The following EML5 variants were observed in gnomAD, a reference collection of about 807,000 sequenced individuals.
EML5 encodes the protein echinoderm microtubule-associated protein-like 5.
Under a neutral mutation model 250.0 loss-of-function variants are expected in EML5, and 120 were observed. That is an observed-to-expected ratio of 0.48 (90% CI 0.41 to 0.56). The LOEUF (loss-of-function observed/expected upper bound fraction) is 0.56, where lower values mean the gene tolerates loss of function less well. Among genes scored for constraint, EML5 ranks in the 20% least tolerant of loss-of-function variants. The probability of loss-of-function intolerance (pLI) is 0.00; values close to 1 mark genes in which losing one functional copy is unlikely to be tolerated. For missense variants in EML5, 2,006 were observed against 2,437.6 expected (o/e 0.82, Z 3.73); for synonymous variants, 771 against 806.5 (o/e 0.96, Z 0.75).
chr14:88,783,107 G>C (rs1566798796), intron 1 of EML5, among the ~76,000 whole-genome samples: 1 of 152,094 alleles, frequency 6.6e-6, no homozygotes, highest in Admixed American at 6.5e-5. Context: ...AAAGAAGAAA[G>C]AAAGAAAAGA....
chr14:88,780,801 T>G (rs186496349), intron 1 of EML5, among the ~76,000 whole-genome samples: 1 of 152,138 alleles, frequency 6.6e-6, no homozygotes, highest in Admixed American at 6.5e-5. Context: ...TCTCGATCTC[T>G]TGACCTCGTG....
chr14:88,777,415 C>T (rs2094456992), intron 1 of EML5, among the ~76,000 whole-genome samples: 1 of 152,110 alleles, frequency 6.6e-6, no homozygotes, highest in Non-Finnish European at 1.5e-5. Context: ...CAGACCTGTC[C>T]TACAAGAAAT....
At chr14:88,668,398 G>A (rs539132520) in intron 21 of EML5, among the ~76,000 whole-genome samples, 22 of 152,020 alleles carry the variant, frequency 1.4e-4, no homozygotes, top group Middle Eastern at 3.4e-3. Context: ...AAACAGACAC[G>A]CACGGGTTCC....
At chr14:88,722,370 C>T (rs1216026719) in intron 8 of EML5, among the ~76,000 whole-genome samples, 3 of 152,084 alleles carry the variant, frequency 2.0e-5, no homozygotes, top group African/African-American at 7.2e-5. Flanking sequence ...CACCCAAATG[C>T]CCATCAATGA....
At chr14:88,670,645 C>T (rs1471378441) in intron 21 of EML5, among the ~76,000 whole-genome samples, 4 of 152,026 alleles carry the variant, frequency 2.6e-5, no homozygotes, top group Non-Finnish European at 5.9e-5. Context: ...AAGTTCTAAC[C>T]CAATGCAAAG....
chr14:88,742,117 G>T (rs563283971), intron 4 of EML5, among the ~76,000 whole-genome samples: 5 of 152,126 alleles, frequency 3.3e-5, no homozygotes, highest in Non-Finnish European at 5.9e-5. Flanking sequence ...TCCCAATTGA[G>T]ATGAACTGAG....
intron 25 of EML5, among the ~76,000 whole-genome samples, chr14:88,659,266 C>T (rs1311568838): frequency 6.6e-6 from 1 of 151,552 alleles, no homozygotes. Context: ...TACTGGAATG[C>T]AGTGGCACGA....
chr14:88,748,784 A>G (rs1325745027), intron 2 of EML5, among the ~76,000 whole-genome samples: 3 of 152,124 alleles, frequency 2.0e-5, no homozygotes, highest in African/African-American at 4.8e-5. Context: ...TACATTATCT[A>G]AAATGAAAAT....
intron 32 of EML5, among the ~76,000 whole-genome samples, chr14:88,636,175 C>G (rs1479653440): frequency 6.6e-6 from 1 of 152,170 alleles, no homozygotes; most frequent in Non-Finnish European, 1.5e-5. Context: ...ACTGGGAGGA[C>G]AGACGCAGAG....
chr14:88,764,690 TA>T (rs999978405), intron 1 of EML5, among the ~76,000 whole-genome samples: 4 of 152,226 alleles, frequency 2.6e-5, no homozygotes, highest in Admixed American at 6.5e-5. Context: ...ATTTTTCTTT[TA>T]AAAAATATGC....
In EML5 at chr14:88,715,114, A is replaced by C. The variant is rs1235472218; in HGVS notation, c.1269T>G (p.Leu423=). The change falls in exon 9 of 44, where the codon CTT becomes CTG. Residue 423 remains leucine, a synonymous_variant. Transcript: ENST00000554922. ...CCGAGCTGTCATTGCATCCAACAGCAAGGTAAGTTCCATCTGGTGAATATT... is the reference window on the plus strand; with the variant it reads ...CCGAGCTGTCATTGCATCCAACAGCCAGGTAAGTTCCATCTGGTGAATATT... ...ELKYSPDGTY[L]AVGCNDSSVD... is the part of the protein sequence containing the mutation. 1.9e-6 allele frequency: 3 copies of C among 1,613,438 alleles called. No homozygotes were observed. The highest frequency in any genetic ancestry group is 2.5e-6 in the Non-Finnish European group (3 of 1,179,626).
intron 22 of EML5, among the ~76,000 whole-genome samples, chr14:88,664,988 T>C (rs957504642): frequency 2.6e-5 from 4 of 152,166 alleles, no homozygotes; most frequent in Non-Finnish European, 4.4e-5. Flanking sequence ...AGGTTTGTAG[T>C]AGATAATGAA....
intron 20 of EML5, among the ~76,000 whole-genome samples, chr14:88,682,593 C>G (rs781661230): frequency 6.6e-6 from 1 of 152,116 alleles, no homozygotes; most frequent in Non-Finnish European, 1.5e-5. Flanking sequence ...GAGACTGATG[C>G]AACCAAGAAC....
rs190530375 is a variant in EML5, at chr14:88,662,958, T to C, written c.3498+73A>G. The C allele has an allele frequency of 2.7e-4, 293 of 1,105,002 alleles. 4 individuals carry two copies. The Admixed American group carries it at 6.3e-3, about 24-fold the overall frequency. The allele number at this position is 1,105,002 out of a possible 1,614,324, so 68.4% of individuals were successfully genotyped here. ...ACAGACTTCACGTGTAACTAAACGATAGAAAGTAGGTATCAGTTTTCTAGC... is the reference window on the plus strand; with the variant it reads ...ACAGACTTCACGTGTAACTAAACGACAGAAAGTAGGTATCAGTTTTCTAGC... On this transcript the variant is annotated intron_variant, in intron 24 of 43. Coordinates refer to ENST00000554922, the MANE Select transcript of EML5 (RefSeq NM_183387.3).
At chr14:88,774,761 T>G (rs769293386) in intron 1 of EML5, among the ~76,000 whole-genome samples, 1 of 152,176 alleles carries the variant, frequency 6.6e-6, no homozygotes, top group African/African-American at 2.4e-5. Flanking sequence ...CTAAACTCAC[T>G]CCTTCAGTGG....
chr14:88,618,974 G>T, intron 39 of EML5, 162 bp from the exon 40 acceptor site: 2 of 534,616 alleles, frequency 3.7e-6, no homozygotes, highest in Non-Finnish European at 6.0e-6. Context: ...AGATTGTCTG[G>T]GTTACATGAA....
chr14:88,759,849 A>AG (rs1684460670), intron 1 of EML5, among the ~76,000 whole-genome samples: 1 of 152,148 alleles, frequency 6.6e-6, no homozygotes, highest in African/African-American at 2.4e-5. Flanking sequence ...TTTCCACAGT[A>AG]GTTGTACCAT....
At chr14:88,698,375 CCTT>C (rs1325712925) in intron 14 of EML5, among the ~76,000 whole-genome samples, 1 of 150,572 alleles carries the variant, frequency 6.6e-6, no homozygotes. Flanking sequence ...AAGTGATCCT[CCTT>C]GTCTCAACTT....
chr14:88,737,189 AAG>A (rs1222295630), intron 6 of EML5, among the ~76,000 whole-genome samples: 1 of 152,168 alleles, frequency 6.6e-6, no homozygotes, highest in Non-Finnish European at 1.5e-5. Context: ...CCTACTCACC[AAG>A]CAACAGGAGA....
Sources: allele counts gnomAD v4.1 joint callset (sites outside exome capture counted in the v4.1 genomes callset), GRCh38; gene constraint gnomAD v4.1.1; transcripts MANE v1.5; gene names NCBI Gene and HGNC (gene_info 2026-07-23, HGNC 2026-07-21).